Variants in NELL2 observed in about 807,000 individuals in gnomAD.
NELL2 encodes neural EGFL like 2, also known as protein kinase C-binding protein NELL2.
NELL2 carries 41 observed loss-of-function variants against 109.6 expected under a neutral mutation model. The ratio of observed to expected loss-of-function variants is 0.37; its 90% CI spans 0.29 to 0.49. NELL2 has a LOEUF of 0.49. Ranked by LOEUF, NELL2 falls within the 20% of genes least tolerant of loss-of-function variation. The pLI, the probability that NELL2 is intolerant of heterozygous loss-of-function variation, is 0.98. For missense variants in NELL2, 900 were observed against 1,008.3 expected (o/e 0.89, Z 1.45); for synonymous variants, 355 against 344.7 (o/e 1.03, Z -0.33).
chr12:44,640,716 G>C (rs1946823536), intron 13 of NELL2, among the ~76,000 whole-genome samples: 1 of 151,818 alleles, frequency 6.6e-6, no homozygotes, highest in Non-Finnish European at 1.5e-5. Context: ...TATAGAAATA[G>C]CTGAGGAACA....
intron 9 of NELL2, among the ~76,000 whole-genome samples, chr12:44,717,082 T>G (rs996016855): frequency 1.3e-5 from 2 of 152,102 alleles, no homozygotes; most frequent in Non-Finnish European, 2.9e-5. Flanking sequence ...GAAACCAAAG[T>G]GAGTGATTTT....
At chr12:44,876,319 G>C (rs1282542659), upstream of NELL2, 13 of 1,167,264 alleles carry the variant, frequency 1.1e-5, no homozygotes, top group African/African-American at 4.7e-5. Flanking sequence ...AGACAATGGA[G>C]AAAGCTCCGG....
intron 15 of NELL2, among the ~76,000 whole-genome samples, chr12:44,604,758 G>A (rs962143758): frequency 2.6e-5 from 4 of 152,084 alleles, no homozygotes; most frequent in Non-Finnish European, 4.4e-5. Context: ...CCTTTATCCT[G>A]AGGGCAATGG....
chr12:44,732,273 G>A (rs1420878261), intron 9 of NELL2, among the ~76,000 whole-genome samples: 1 of 151,844 alleles, frequency 6.6e-6, no homozygotes, highest in African/African-American at 2.4e-5. Flanking sequence ...AAAATCTTGA[G>A]AAATAACAAA....
chr12:44,697,795 T>C (rs1949109070), intron 12 of NELL2, among the ~76,000 whole-genome samples: 1 of 152,178 alleles, frequency 6.6e-6, no homozygotes, highest in Non-Finnish European at 1.5e-5. Context: ...TGCCAGATTG[T>C]ATTAGTTTTC....
intron 13 of NELL2, among the ~76,000 whole-genome samples, chr12:44,628,878 T>C (rs947059167): frequency 5.3e-5 from 8 of 152,214 alleles, no homozygotes; most frequent in Admixed American, 1.3e-4. Flanking sequence ...ATTTTCCCTA[T>C]GTATGCCTTT....
intron 15 of NELL2, among the ~76,000 whole-genome samples, chr12:44,540,529 T>G (rs1382820085): frequency 2.6e-5 from 4 of 152,016 alleles, no homozygotes; most frequent in African/African-American, 9.7e-5. Flanking sequence ...TAATTAAAAG[T>G]CTACTGATGA....
chr12:44,736,628 C>T (rs528546367), intron 9 of NELL2, among the ~76,000 whole-genome samples: 7 of 151,980 alleles, frequency 4.6e-5, no homozygotes, highest in East Asian at 1.9e-4. Context: ...ATATACTGAA[C>T]GAAACCAGAA....
intron 3 of NELL2, among the ~76,000 whole-genome samples, chr12:44,788,603 C>T (rs1338103501): frequency 1.3e-5 from 2 of 152,162 alleles, no homozygotes; most frequent in Non-Finnish European, 2.9e-5. Flanking sequence ...ATGTCAAAGG[C>T]AGAAGGAAAT....
intron 9 of NELL2, among the ~76,000 whole-genome samples, chr12:44,747,972 G>A (rs1840637228): frequency 6.6e-6 from 1 of 152,166 alleles, no homozygotes; most frequent in South Asian, 2.1e-4. Context: ...TCGAAGGCAA[G>A]TGGTCTTGCA....
intron 15 of NELL2, among the ~76,000 whole-genome samples, chr12:44,593,206 G>A (rs537113823): frequency 1.3e-5 from 2 of 152,296 alleles, no homozygotes; most frequent in South Asian, 2.1e-4. Context: ...TGTCGAGATA[G>A]AATAACTCTT....
chr12:44,827,759 T>C (rs1335778244), intron 2 of NELL2, among the ~76,000 whole-genome samples: 1 of 152,208 alleles, frequency 6.6e-6, no homozygotes, highest in East Asian at 1.9e-4. Context: ...TTGTGACTAG[T>C]GCTGCAATAA....
intron 9 of NELL2, among the ~76,000 whole-genome samples, chr12:44,743,146 T>A (rs906298432): frequency 6.6e-6 from 1 of 152,130 alleles, no homozygotes; most frequent in African/African-American, 2.4e-5. Context: ...GGACCAATAT[T>A]CAACATTCTT....
At chr12:44,783,924 CAAAA>C (rs1335780518) in intron 3 of NELL2, among the ~76,000 whole-genome samples, 15 of 151,840 alleles carry the variant, frequency 9.9e-5, no homozygotes, top group Non-Finnish European at 2.2e-4. Flanking sequence ...AAACTGTTAA[CAAAA>C]TGTTAACAAA....
At position 44,699,507 on chromosome 12, in the gene NELL2, C is replaced by A. The variant is rs903253295; in HGVS notation, c.1318+4219G>T. On this transcript the variant is annotated intron_variant, in intron 12 of 19. Coordinates refer to ENST00000429094, the MANE Select transcript of NELL2 (RefSeq NM_001145108.2). ...AGAAGTTAAATGAGAAAAAGTGGGT[C>A]GGGCAGAAGAATCCCTTCTTTAGCT... 2.6e-5 allele frequency among the ~76,000 whole-genome samples: 4 copies of A among 152,062 alleles called. No individual in the cohort carries two copies. The East Asian group carries it at 7.7e-4, about 29-fold the overall frequency.
chr12:44,852,407 C>T (rs1022830006), intron 2 of NELL2, among the ~76,000 whole-genome samples: 3 of 152,160 alleles, frequency 2.0e-5, no homozygotes, highest in Admixed American at 1.3e-4. Context: ...AATGAGGTAG[C>T]TCAGCATTTG....
intron 3 of NELL2, among the ~76,000 whole-genome samples, chr12:44,795,740 G>A (rs772499768): frequency 6.6e-6 from 1 of 152,190 alleles, no homozygotes; most frequent in Admixed American, 6.5e-5. Flanking sequence ...TATAAAGAGT[G>A]AACTACAGTG....
At chr12:44,666,093 T>G (rs1947916174) in intron 12 of NELL2, among the ~76,000 whole-genome samples, 1 of 152,160 alleles carries the variant, frequency 6.6e-6, no homozygotes, top group Admixed American at 6.5e-5. Context: ...ACAAGCTTAT[T>G]AGAGATAAAA....
intron 15 of NELL2, among the ~76,000 whole-genome samples, chr12:44,563,509 C>T (rs1223436405): frequency 1.3e-5 from 2 of 152,060 alleles, no homozygotes; most frequent in Non-Finnish European, 1.5e-5. Context: ...ATCATTCATC[C>T]ATAGTTTTTT....
Sources: gnomAD v4.1 joint callset for allele counts (sites outside exome capture counted in the v4.1 genomes callset) on GRCh38, gnomAD v4.1.1 for gene constraint, MANE v1.5 for transcripts, NCBI Gene and HGNC (gene_info 2026-07-23, HGNC 2026-07-21) for gene names.